The following AGTPBP1 variants were observed in gnomAD, a reference collection of about 807,000 sequenced individuals.
The protein encoded by AGTPBP1 is cytosolic carboxypeptidase 1.
In AGTPBP1, 70 loss-of-function variants were observed where a neutral mutation model predicts 143.9. The observed-to-expected ratio is 0.49, with a 90% CI of 0.40 to 0.59. The LOEUF (loss-of-function observed/expected upper bound fraction) is 0.59. Among genes scored for constraint, AGTPBP1 ranks in the 20% least tolerant of loss-of-function variants. AGTPBP1 has a pLI of 0.00. For missense variants in AGTPBP1, 1,229 were observed against 1,464.5 expected, an observed-to-expected ratio of 0.84 and a Z score of 2.62; for synonymous variants, 463 against 500.2, an observed-to-expected ratio of 0.93 and a Z score of 0.99.
At chr9:85,651,178 T>C (rs1833141485) in intron 11 of AGTPBP1, among the ~76,000 whole-genome samples, 4 of 152,164 alleles carry the variant, frequency 2.6e-5, no homozygotes, top group African/African-American at 9.7e-5. Flanking sequence ...TTGTGCATCT[T>C]TGAAATTTCC....
intron 17 of AGTPBP1, among the ~76,000 whole-genome samples, chr9:85,613,897 C>T (rs1264252840): frequency 6.6e-6 from 1 of 152,044 alleles, no homozygotes; most frequent in Admixed American, 6.6e-5. Flanking sequence ...TCAATTCACA[C>T]AGCCAAGCTG....
chr9:85,556,147 C>A (rs181407225), intron 25 of AGTPBP1, among the ~76,000 whole-genome samples: 3 of 151,792 alleles, frequency 2.0e-5, no homozygotes, highest in African/African-American at 7.3e-5. Context: ...TTAAAAAATA[C>A]TACTAATAAA....
At chr9:85,636,409 C>T (rs1243248786) in intron 13 of AGTPBP1, among the ~76,000 whole-genome samples, 1 of 151,742 alleles carries the variant, frequency 6.6e-6, no homozygotes, top group Non-Finnish European at 1.5e-5. Context: ...ATTACAGGCA[C>T]GCACCACCAC....
chr9:85,649,168 A>G (rs1357494765), intron 11 of AGTPBP1, among the ~76,000 whole-genome samples: 2 of 152,226 alleles, frequency 1.3e-5, no homozygotes, highest in Non-Finnish European at 2.9e-5. Flanking sequence ...TAGTAAAAAC[A>G]GAAATATAGG....
intron 5 of AGTPBP1, 60 bp from the exon 6 acceptor site, chr9:85,677,642 A>C: frequency 7.4e-7 from 1 of 1,357,546 alleles, no homozygotes; most frequent in South Asian, 1.5e-5. Context: ...AACAAATTTA[A>C]ACAAACATAT....
intron 11 of AGTPBP1, among the ~76,000 whole-genome samples, chr9:85,648,742 G>A (rs2133876427): frequency 6.6e-6 from 1 of 152,230 alleles, no homozygotes; most frequent in South Asian, 2.1e-4. Context: ...AACCCGGGAG[G>A]TGGAGCTTGC....
chr9:85,595,654 G>A (rs1829253378), intron 18 of AGTPBP1, among the ~76,000 whole-genome samples: 1 of 152,134 alleles, frequency 6.6e-6, no homozygotes, highest in African/African-American at 2.4e-5. Context: ...AGCCTCCTGA[G>A]TAGCTGGGAT....
intron 14 of AGTPBP1, among the ~76,000 whole-genome samples, chr9:85,623,276 C>T (rs922670891): frequency 6.7e-5 from 10 of 149,114 alleles, no homozygotes; most frequent in Admixed American, 4.0e-4. Flanking sequence ...TAAAGGCTGG[C>T]AATTGGTTTA....
intron 3 of AGTPBP1, among the ~76,000 whole-genome samples, chr9:85,689,313 G>C (rs1835691249): frequency 6.6e-6 from 1 of 152,072 alleles, no homozygotes; most frequent in Admixed American, 6.6e-5. Flanking sequence ...CCCTGCTCTA[G>C]AGCAGTAGCT....
intron 1 of AGTPBP1, among the ~76,000 whole-genome samples, chr9:85,722,158 T>C (rs1042693908): frequency 6.6e-6 from 1 of 152,188 alleles, no homozygotes; most frequent in African/African-American, 2.4e-5. Flanking sequence ...TTGGGGTTGC[T>C]CTTCTCAAGG....
At chr9:85,733,935 TGAG>T (rs1839050585) in intron 1 of AGTPBP1, among the ~76,000 whole-genome samples, 2 of 152,150 alleles carry the variant, frequency 1.3e-5, no homozygotes, top group African/African-American at 2.4e-5. Flanking sequence ...CCATAACTAT[TGAG>T]GAGATGTAAT....
the AGTPBP1 span, among the ~76,000 whole-genome samples, chr9:85,776,524 A>G: frequency 6.6e-6 from 1 of 152,172 alleles, no homozygotes; most frequent in Non-Finnish European, 1.5e-5. Context: ...ATCACAGAGC[A>G]TGGTAATACT....
In AGTPBP1 at chr9:85,592,553, T is replaced by C. The variant is rs575254019; in HGVS notation, c.2568+7A>G. On this transcript the variant is annotated splice_region_variant and intron_variant, in intron 19 of 25. Transcript: ENST00000357081. ...CCATATAATACAATTTAATTTAGAGTTCTTACCTGTAAAGTTGAATACGTA... is the reference window on the plus strand; with the variant it reads ...CCATATAATACAATTTAATTTAGAGCTCTTACCTGTAAAGTTGAATACGTA... The C allele has an allele frequency of 6.3e-7, 1 of 1,578,370 alleles. No homozygotes were observed. The highest frequency in any genetic ancestry group is 1.2e-5 in the South Asian group (1 of 83,730).
the AGTPBP1 span, among the ~76,000 whole-genome samples, chr9:85,795,449 C>T: frequency 6.6e-6 from 1 of 152,186 alleles, no homozygotes; most frequent in Non-Finnish European, 1.5e-5. Flanking sequence ...CACCAAAGAA[C>T]ATACAGCCTG....
the AGTPBP1 span, among the ~76,000 whole-genome samples, chr9:85,774,926 T>G: frequency 6.6e-6 from 1 of 152,190 alleles, no homozygotes; most frequent in Non-Finnish European, 1.5e-5. Flanking sequence ...TTACCTTAGT[T>G]TGGTTCCGAA....
chr9:85,759,660 G>C, the AGTPBP1 span, among the ~76,000 whole-genome samples: 1 of 152,124 alleles, frequency 6.6e-6, no homozygotes, highest in Non-Finnish European at 1.5e-5. Context: ...ATGCCCACAA[G>C]AGAAAGCAGG....
intron 2 of AGTPBP1, among the ~76,000 whole-genome samples, chr9:85,701,222 T>A (rs1024880602): frequency 2.7e-5 from 4 of 147,596 alleles, no homozygotes; most frequent in Admixed American, 1.4e-4. Context: ...TTTTTTTTTT[T>A]ATTTTTATTT....
intron 25 of AGTPBP1, among the ~76,000 whole-genome samples, chr9:85,572,014 T>G (rs1267105792): frequency 5.7e-4 from 10 of 17,482 alleles, no homozygotes; most frequent in East Asian, 3.0e-3. Context: ...GTTTTTTTTT[T>G]TTTTTTTTTT....
chr9:85,604,525 C>T (rs1829875477), intron 17 of AGTPBP1, among the ~76,000 whole-genome samples: 1 of 151,968 alleles, frequency 6.6e-6, no homozygotes, highest in Admixed American at 6.6e-5. Flanking sequence ...ACAAATAAGC[C>T]CAGACTCTGA....
Sources: allele counts gnomAD v4.1 joint callset (sites outside exome capture counted in the v4.1 genomes callset), GRCh38; gene constraint gnomAD v4.1.1; transcripts MANE v1.5; gene names NCBI Gene and HGNC (gene_info 2026-07-23, HGNC 2026-07-21).